Variants in SLMAP observed in about 807,000 individuals in gnomAD.
SLMAP encodes sarcolemmal membrane-associated protein.
SLMAP carries 44 observed loss-of-function variants against 128.8 expected under a neutral mutation model. That is an observed-to-expected ratio of 0.34 (90% CI 0.27 to 0.44). SLMAP has a LOEUF of 0.44. Ranked by LOEUF, SLMAP falls within the 20% of genes least tolerant of loss-of-function variation. SLMAP has a pLI of 1.00. For missense variants in SLMAP, 787 were observed against 985.3 expected, an observed-to-expected ratio of 0.80 and a Z score of 2.69; for synonymous variants, 327 against 348.8, an observed-to-expected ratio of 0.94 and a Z score of 0.70.
intron 16 of SLMAP, 45 bp from the exon 17 acceptor site, chr3:57,896,828 T>C: frequency 6.4e-7 from 1 of 1,553,142 alleles, no homozygotes; most frequent in Non-Finnish European, 8.7e-7. Flanking sequence ...CTGATAGATC[T>C]GAATACTGTC....
In SLMAP at chr3:57,916,927, G is replaced by A. The variant is rs1276925890; in HGVS notation, c.2160G>A (p.Glu720=). The A allele has an allele frequency of 6.2e-7, 1 of 1,613,790 alleles. No individual in the cohort carries two copies. Among genetic ancestry groups the A allele is most frequent in the East Asian group, 2.2e-5 (1 of 44,814 alleles). The change falls in exon 22 of 25, where the codon GAG becomes GAA. Residue 720 remains glutamate (E), a synonymous_variant. Transcript: ENST00000671191. ...GCAGTTCTCAGAAGCAGAGTTTAGA[G>A]CTTACCAGTGATCTCAGCATCCTTC... is the stretch of plus-strand genomic sequence containing the variant. ...ELHNSQKQSL[E]LTSDLSILQM... is the part of the protein sequence containing the mutation.
At chr3:57,900,003 G>C (rs1448346847) in intron 17 of SLMAP, 1 of 152,098 alleles carries the variant, frequency 6.6e-6, no homozygotes, top group African/African-American at 2.4e-5. Flanking sequence ...ATTATGTGTG[G>C]TTATGGTTTG....
At chr3:57,854,859 A>C (rs1040243995) in intron 6 of SLMAP, among the ~76,000 whole-genome samples, 4 of 152,206 alleles carry the variant, frequency 2.6e-5, no homozygotes, top group African/African-American at 9.7e-5. Context: ...CTTAACAGGC[A>C]TATGATCTCA....
At chr3:57,792,156 G>C (rs1011494915) in intron 2 of SLMAP, among the ~76,000 whole-genome samples, 23 of 151,794 alleles carry the variant, frequency 1.5e-4, no homozygotes, top group Non-Finnish European at 2.9e-4. Context: ...ATTTAGATGC[G>C]ACCTTCTTAG....
intron 13 of SLMAP, among the ~76,000 whole-genome samples, chr3:57,865,520 A>G (rs886672560): frequency 1.3e-5 from 2 of 152,150 alleles, no homozygotes; most frequent in African/African-American, 2.4e-5. Flanking sequence ...CTCAAATCAG[A>G]AAATTATTAA....
chr3:57,906,355 G>GCC (rs1436058874), intron 17 of SLMAP, among the ~76,000 whole-genome samples: 2 of 84,352 alleles, frequency 2.4e-5, no homozygotes, highest in African/African-American at 8.4e-5. Context: ...ACTCTCTGTC[G>GCC]CCCAGGCTGG....
At chr3:57,762,839 C>G (rs577931094) in intron 2 of SLMAP, among the ~76,000 whole-genome samples, 2 of 151,548 alleles carry the variant, frequency 1.3e-5, no homozygotes, top group African/African-American at 4.8e-5. Context: ...CCTCAGCTTC[C>G]CAAGTAGCTG....
rs562632439 is a variant in SLMAP, at chr3:57,924,800, G to GA, written c.2446-1035dup. Reference sequence around the variant, plus strand: ...TCTAATAAGCAAAAGAGCTTTGGTTGAAAAAAAAAATTTGTTAGAGGGATA... The same window carrying GA: ...TCTAATAAGCAAAAGAGCTTTGGTTGAAAAAAAAAAATTTGTTAGAGGGATA... On this transcript the variant is annotated intron_variant, in intron 23 of 24. Coordinates refer to ENST00000671191, the MANE Select transcript of SLMAP (RefSeq NM_001377540.1). Among the ~76,000 whole-genome samples, 99 of 149,528 alleles carry GA rather than the reference G, an allele frequency of 6.6e-4. 2 individuals are homozygous for GA. The South Asian group carries it at 0.019, about 28-fold the overall frequency.
intron 17 of SLMAP, among the ~76,000 whole-genome samples, chr3:57,906,310 CTTTTTTTTTTTTTTT>C (rs999042505): frequency 6.8e-4 from 32 of 47,048 alleles, no homozygotes; most frequent in African/African-American, 2.3e-3. Flanking sequence ...CTTTTTTTTT[CTTTTTTTTTTTTTTT>C]TTTTTTTAGA....
chr3:57,871,877 C>T (rs2095487473), intron 14 of SLMAP, among the ~76,000 whole-genome samples, 179 bp downstream of exon 14: 1 of 152,182 alleles, frequency 6.6e-6, no homozygotes, highest in South Asian at 2.1e-4. Flanking sequence ...ATTTCTGTTG[C>T]ATTTGCCTTC....
At chr3:57,859,320 CA>C (rs555697911) in intron 8 of SLMAP, among the ~76,000 whole-genome samples, 16,906 of 68,888 alleles carry the variant, frequency 0.25, 716 homozygotes, top group Middle Eastern at 0.29. Flanking sequence ...GAGACTGTCT[CA>C]AAAAAAAAAA....
intron 2 of SLMAP, among the ~76,000 whole-genome samples, chr3:57,826,498 G>GT (rs917159190): frequency 3.1e-4 from 47 of 152,220 alleles, no homozygotes; most frequent in African/African-American, 1.1e-3. Context: ...CTCTTCTGTT[G>GT]TTTTTGTAAA....
chr3:57,761,260 G>A (rs942908251), intron 2 of SLMAP, among the ~76,000 whole-genome samples: 9 of 152,010 alleles, frequency 5.9e-5, no homozygotes, highest in Non-Finnish European at 7.4e-5. Flanking sequence ...TTTCTTTAAT[G>A]TGATGGCATA....
At chr3:57,781,729 AT>A (rs748021832) in intron 2 of SLMAP, among the ~76,000 whole-genome samples, 178 of 109,140 alleles carry the variant, frequency 1.6e-3, no homozygotes, top group African/African-American at 4.3e-3. Flanking sequence ...ATATTGACTG[AT>A]TTTTTTTTTT....
intron 3 of SLMAP, among the ~76,000 whole-genome samples, chr3:57,831,923 T>C (rs1314472666): frequency 1.1e-4 from 16 of 152,256 alleles, no homozygotes; most frequent in Non-Finnish European, 1.9e-4. Context: ...CCTGTTCTAC[T>C]GTCTTAAACA....
At chr3:57,761,914 G>A (rs1053419511) in intron 2 of SLMAP, among the ~76,000 whole-genome samples, 1 of 151,126 alleles carries the variant, frequency 6.6e-6, no homozygotes, top group Non-Finnish European at 1.5e-5. Context: ...GGGCGCGGTG[G>A]CGGGCGCCTG....
At chr3:57,817,145 T>C (rs1369115912) in intron 2 of SLMAP, among the ~76,000 whole-genome samples, 1 of 151,994 alleles carries the variant, frequency 6.6e-6, no homozygotes, top group Admixed American at 6.6e-5. Context: ...CTAGCATCAG[T>C]GTGGAGGGTG....
intron 6 of SLMAP, among the ~76,000 whole-genome samples, chr3:57,855,873 G>A (rs543251542): frequency 1.7e-4 from 26 of 151,810 alleles, no homozygotes; most frequent in African/African-American, 5.1e-4. Flanking sequence ...GTAAAACGCC[G>A]TCTCTACTGA....
At chr3:57,843,663 G>GAAAC (rs904916469) in intron 4 of SLMAP, among the ~76,000 whole-genome samples, 1 of 150,782 alleles carries the variant, frequency 6.6e-6, no homozygotes, top group South Asian at 2.1e-4. Context: ...CTAATGATAA[G>GAAAC]AAACAAAGAG....
Sources: gnomAD v4.1 joint callset for allele counts (sites outside exome capture counted in the v4.1 genomes callset) on GRCh38, gnomAD v4.1.1 for gene constraint, MANE v1.5 for transcripts, NCBI Gene and HGNC (gene_info 2026-07-23, HGNC 2026-07-21) for gene names.